Variants in PCM1 observed in about 807,000 individuals in gnomAD.
The protein encoded by PCM1 is pericentriolar material 1.
In PCM1, 157 loss-of-function variants were observed where a neutral mutation model predicts 241.9. The observed-to-expected ratio is 0.65, with a 90% CI of 0.57 to 0.74. The LOEUF (loss-of-function observed/expected upper bound fraction) is 0.74, where lower values mean the gene tolerates loss of function less well. Among genes scored for constraint, PCM1 ranks in the 30% least tolerant of loss-of-function variants. PCM1 has a pLI of 0.00. For synonymous variants in PCM1, 1,085 were observed against 784.9 expected (o/e 1.38, Z -6.39); for missense variants, 3,478 against 2,360.1 (o/e 1.47, Z -9.81).
chr8:18,023,659 A>T (rs1458519850), intron 36 of PCM1, among the ~76,000 whole-genome samples: 1 of 152,226 alleles, frequency 6.6e-6, no homozygotes, highest in Non-Finnish European at 1.5e-5. Context: ...CCATTGATTT[A>T]TTCAGTTGGT....
chr8:18,011,930 C>G, intron 34 of PCM1, 103 bp downstream of exon 34: 3 of 1,070,468 alleles, frequency 2.8e-6, no homozygotes, highest in Non-Finnish European at 4.1e-6. Context: ...TCTAAATATT[C>G]AGGTTTCATG....
At chr8:18,012,117 C>T (rs758516765) in intron 34 of PCM1, among the ~76,000 whole-genome samples, 16 of 152,134 alleles carry the variant, frequency 1.1e-4, no homozygotes, top group Non-Finnish European at 1.5e-4. Flanking sequence ...ACCTCAGCCT[C>T]CCAAAGTTCT....
chr8:17,974,105 C>A (rs1049067783), intron 23 of PCM1, among the ~76,000 whole-genome samples: 1 of 152,180 alleles, frequency 6.6e-6, no homozygotes, highest in Admixed American at 6.5e-5. Context: ...TTTTTCTTAG[C>A]ATACACATTA....
At chr8:17,929,134 A>C (rs1316710358) in intron 2 of PCM1, among the ~76,000 whole-genome samples, 1 of 152,106 alleles carries the variant, frequency 6.6e-6, no homozygotes, top group African/African-American at 2.4e-5. Flanking sequence ...CCCCTGCTGA[A>C]ATTTCTCACC....
intron 36 of PCM1, among the ~76,000 whole-genome samples, chr8:18,018,891 T>TAC (rs1564428573): frequency 7.3e-5 from 6 of 82,520 alleles, no homozygotes; most frequent in East Asian, 6.2e-4. Flanking sequence ...CACACACATA[T>TAC]ACATACACAT....
At chr8:17,936,434 T>G (rs1445187400) in intron 3 of PCM1, among the ~76,000 whole-genome samples, 1 of 152,236 alleles carries the variant, frequency 6.6e-6, no homozygotes, top group Non-Finnish European at 1.5e-5. Context: ...CAGACCTTTT[T>G]GTTAATGAAT....
chr8:18,022,854 T>C (rs761980109), intron 36 of PCM1, among the ~76,000 whole-genome samples: 2 of 152,330 alleles, frequency 1.3e-5, no homozygotes, highest in South Asian at 4.1e-4. Flanking sequence ...AAGGAAACTC[T>C]AGAGGCAAAT....
chr8:18,006,763 A>G lies in PCM1; in HGVS notation c.4962+366A>G, dbSNP rs144684869. On this transcript the variant is annotated intron_variant, in intron 30 of 38. Coordinates refer to ENST00000325083, the MANE Select transcript of PCM1 (RefSeq NM_006197.4). ...ATTTGACTAATCAGGGAAATTTTGG[A>G]AGCCAGAGACCAGCTGGTTGTAGAG... 3.0e-4 allele frequency among the ~76,000 whole-genome samples: 46 copies of G among 152,300 alleles called. 1 individual carries two copies. The East Asian group carries it at 3.7e-3, about 12-fold the overall frequency.
chr8:18,005,309 C>T (rs2090940241), intron 29 of PCM1, among the ~76,000 whole-genome samples: 1 of 150,662 alleles, frequency 6.6e-6, no homozygotes, highest in African/African-American at 2.4e-5. Context: ...CTGACTCCTG[C>T]ATAGTATTTG....
chr8:17,988,359 A>T (rs986351711), intron 26 of PCM1, among the ~76,000 whole-genome samples: 8 of 151,886 alleles, frequency 5.3e-5, no homozygotes, highest in Non-Finnish European at 8.9e-5. Flanking sequence ...GTCATAATCA[A>T]AGTGTAAGTG....
intron 29 of PCM1, among the ~76,000 whole-genome samples, chr8:17,997,456 C>T (rs2087300380): frequency 6.6e-6 from 1 of 152,068 alleles, no homozygotes; most frequent in African/African-American, 2.4e-5. Context: ...CTCTCTACCC[C>T]CTCTTTAAGG....
intron 36 of PCM1, among the ~76,000 whole-genome samples, chr8:18,023,249 G>A (rs1490827593): frequency 6.6e-6 from 1 of 152,148 alleles, no homozygotes; most frequent in Non-Finnish European, 1.5e-5. Flanking sequence ...TCTTTAAATG[G>A]TTGTGAAATT....
rs754612987 is a variant in PCM1, at chr8:17,969,623, T to C, written c.3459T>C (p.Ser1153=). 2 of 1,611,406 alleles carry C rather than the reference T, an allele frequency of 1.2e-6. No homozygotes were observed. Among genetic ancestry groups the C allele is most frequent in the Non-Finnish European group, 1.7e-6 (2 of 1,178,666 alleles). The change falls in exon 22 of 39, where the codon TCT becomes TCC. Residue 1153 remains serine (S), a synonymous_variant. Transcript: ENST00000325083. ...TTCCTTCTAATTTTGGAGATTTTTC[T>C]CAGAATATCTCTACACCCAGTGAAC... ...PLFPSNFGDF[S]QNISTPSEQQ... is the part of the protein sequence containing the mutation.
At chr8:17,923,950 C>T (rs906509453) in intron 1 of PCM1, among the ~76,000 whole-genome samples, 3 of 152,078 alleles carry the variant, frequency 2.0e-5, no homozygotes, top group Non-Finnish European at 2.9e-5. Context: ...GCCAACTTTG[C>T]ATCCCTCAGC....
chr8:17,973,562 T>A (rs1198795927), intron 23 of PCM1, among the ~76,000 whole-genome samples: 1 of 151,818 alleles, frequency 6.6e-6, no homozygotes, highest in Non-Finnish European at 1.5e-5. Context: ...CTACTAAAAG[T>A]ACAAAAATTA....
Position 17,969,761 on chromosome 8 carries a change from A to T in PCM1, c.3584+13A>T. ...CAGAGAAACCAAGGTACTGATTGTAAACAGTCTTTTATTGCTTAAACATTC... is the reference window on the plus strand; with the variant it reads ...CAGAGAAACCAAGGTACTGATTGTATACAGTCTTTTATTGCTTAAACATTC... On this transcript the variant is annotated intron_variant, in intron 22 of 38. Coordinates refer to ENST00000325083, the MANE Select transcript of PCM1 (RefSeq NM_006197.4). The T allele has an allele frequency of 1.3e-6, 2 of 1,583,392 alleles. No homozygotes were observed. Among genetic ancestry groups the T allele is most frequent in the Non-Finnish European group, 1.7e-6 (2 of 1,156,320 alleles).
intron 6 of PCM1, among the ~76,000 whole-genome samples, chr8:17,941,493 C>T (rs2062021340): frequency 1.3e-5 from 2 of 149,938 alleles, no homozygotes; most frequent in African/African-American, 2.4e-5. Context: ...ACTAAATATA[C>T]TGCTGCTTGG....
chr8:17,972,354 G>T lies in PCM1; in HGVS notation c.3610G>T (p.Val1204Leu), dbSNP rs775094575. ...GAATAAAAAACTGCCTGAAGAGGAG[G>T]TGGAAAGCAGTAGGACACCATGGTT... ...PRNKKLPEEE[V>L]ESSRTPWLYE... Residue 1204 changes from valine to leucine, a missense_variant, in exon 23 of 39, where the codon GTG (valine) becomes TTG (leucine). Coordinates refer to ENST00000325083, the MANE Select transcript of PCM1 (RefSeq NM_006197.4). 1 of 1,524,294 alleles carries T rather than the reference G, an allele frequency of 6.6e-7. No individual in the cohort carries two copies. Among genetic ancestry groups the T allele is most frequent in the Non-Finnish European group, 8.8e-7 (1 of 1,136,212 alleles). The allele number at this position is 1,524,294 out of a possible 1,614,324, so 94.4% of individuals were successfully genotyped here.
At position 17,969,647 on chromosome 8, in the gene PCM1, A is replaced by G; in HGVS notation, c.3483A>G (p.Glu1161=). The G allele has an allele frequency of 6.2e-7, 1 of 1,612,924 alleles. No homozygotes were observed. Among genetic ancestry groups the G allele is most frequent in the Non-Finnish European group, 8.5e-7 (1 of 1,179,110 alleles). The change falls in exon 22 of 39, where the codon GAA becomes GAG. Residue 1161 remains glutamate (E), a synonymous_variant. Transcript: ENST00000325083. ...DFSQNISTPS[E]QQQPLAQNSS... ...CTCAGAATATCTCTACACCCAGTGAACAGCAGCAACCCTTAGCCCAGAATT... is the reference window on the plus strand; with the variant it reads ...CTCAGAATATCTCTACACCCAGTGAGCAGCAGCAACCCTTAGCCCAGAATT...
Sources: allele counts gnomAD v4.1 joint callset (sites outside exome capture counted in the v4.1 genomes callset), GRCh38; gene constraint gnomAD v4.1.1; transcripts MANE v1.5; gene names NCBI Gene and HGNC (gene_info 2026-07-23, HGNC 2026-07-21).